SH2D1A: variants seen among roughly 807,000 people sequenced by gnomAD.
The protein encoded by SH2D1A is SH2 domain containing 1A, also known as SH2 domain-containing protein 1A.
In SH2D1A, 6 loss-of-function variants were observed where a neutral mutation model predicts 10.1. That is an observed-to-expected ratio of 0.60 (90% CI 0.33 to 1.18). The LOEUF (loss-of-function observed/expected upper bound fraction) is 1.18. Among genes scored for constraint, SH2D1A ranks in the 50% most tolerant of loss-of-function variants. The pLI, the probability that SH2D1A is intolerant of heterozygous loss-of-function variation, is 0.04. For missense variants in SH2D1A, 51 were observed against 97.6 expected, an observed-to-expected ratio of 0.52 and a Z score of 2.01; for synonymous variants, 42 against 36.9, an observed-to-expected ratio of 1.14 and a Z score of -0.51.
intron 1 of SH2D1A, among the ~76,000 whole-genome samples, chrX:124,352,570 T>C (rs1175093986): frequency 2.7e-5 from 3 of 111,913 alleles, no homozygotes; most frequent in African/African-American, 9.7e-5. Context: ...ACATAATGAC[T>C]TCCAGTTCTA....
At chrX:124,362,193 G>A in intron 1 of SH2D1A, among the ~76,000 whole-genome samples, 1 of 111,877 alleles carries the variant, frequency 8.9e-6, no homozygotes, top group Non-Finnish European at 1.9e-5. Flanking sequence ...CCTACTATAG[G>A]CCCAAAGTGC....
chrX:124,355,899 A>T (rs1236012403), intron 1 of SH2D1A, among the ~76,000 whole-genome samples: 1 of 110,055 alleles, frequency 9.1e-6, no homozygotes, highest in African/African-American at 3.3e-5. Flanking sequence ...TTTTATTTTT[A>T]TTTTTTGTTT....
chrX:124,356,551 G>A (rs1457704022), intron 1 of SH2D1A, among the ~76,000 whole-genome samples: 2 of 112,402 alleles, frequency 1.8e-5, no homozygotes, highest in African/African-American at 6.5e-5. Context: ...AGGCTCAAGC[G>A]ATTCTCCTGC....
At chrX:124,366,112 G>A (rs1449894889) in intron 2 of SH2D1A, among the ~76,000 whole-genome samples, 2 of 110,531 alleles carry the variant, frequency 1.8e-5, no homozygotes, top group Non-Finnish European at 3.8e-5. Flanking sequence ...CATATCAAAA[G>A]TAGGTAAAAT....
intron 1 of SH2D1A, among the ~76,000 whole-genome samples, chrX:124,348,738 C>T (rs993958368): frequency 3.6e-5 from 4 of 111,786 alleles, no homozygotes; most frequent in Non-Finnish European, 7.5e-5. Context: ...TCCATGAGGG[C>T]GGAGATACTG....
intron 1 of SH2D1A, 65 bp from the exon 2 acceptor site, chrX:124,365,696 C>A: frequency 1.4e-6 from 1 of 729,190 alleles, no homozygotes; most frequent in Non-Finnish European, 2.2e-6. Flanking sequence ...TAATATTAAG[C>A]TCAAATTTAA....
intron 1 of SH2D1A, among the ~76,000 whole-genome samples, chrX:124,359,945 G>A (rs1280986696): frequency 2.7e-5 from 3 of 109,810 alleles, no homozygotes; most frequent in Non-Finnish European, 3.8e-5. Context: ...CACTCTTGTC[G>A]CCCAGGCTGG....
chrX:124,366,353 T>C lies in SH2D1A; in HGVS notation c.201+529T>C, dbSNP rs1385278811. 6.3e-5 allele frequency among the ~76,000 whole-genome samples: 7 copies of C among 111,106 alleles called. No individual in the cohort carries two copies. The Admixed American group carries it at 6.7e-4, about 11-fold the overall frequency. ...GGTCTATGATCTTGGGCAGGTTACT[T>C]GACTTTTCTGTGAGCCAGTTTCTTC... On this transcript the variant is annotated intron_variant, in intron 2 of 3. Coordinates refer to ENST00000371139, the MANE Select transcript of SH2D1A (RefSeq NM_002351.5).
intron 1 of SH2D1A, among the ~76,000 whole-genome samples, chrX:124,347,135 C>CG (rs2059995506): frequency 9.0e-6 from 1 of 111,616 alleles, no homozygotes; most frequent in South Asian, 3.7e-4. Context: ...TATCGGGTGG[C>CG]GCCCTGCGAG....
At chrX:124,363,196 G>A (rs1427545743) in intron 1 of SH2D1A, among the ~76,000 whole-genome samples, 2 of 111,524 alleles carry the variant, frequency 1.8e-5, no homozygotes, top group Non-Finnish European at 1.9e-5. Flanking sequence ...GTAATGGGAA[G>A]GAATGTTTAC....
At chrX:124,354,320 G>C (rs2060021642) in intron 1 of SH2D1A, among the ~76,000 whole-genome samples, 1 of 110,945 alleles carries the variant, frequency 9.0e-6, no homozygotes, top group Non-Finnish European at 1.9e-5. Context: ...TCTCTTTCGG[G>C]CTCTCCCCAC....
chrX:124,351,778 T>G (rs1350088096), intron 1 of SH2D1A, among the ~76,000 whole-genome samples: 1 of 111,147 alleles, frequency 9.0e-6, no homozygotes, highest in African/African-American at 3.3e-5. Context: ...TCATACTTTT[T>G]TTAAACACAC....
At chrX:124,347,018 G>A (rs1329690756) in intron 1 of SH2D1A, among the ~76,000 whole-genome samples, 1 of 111,024 alleles carries the variant, frequency 9.0e-6, no homozygotes, top group Non-Finnish European at 1.9e-5. Context: ...CCTCACCAGA[G>A]CCTTTTGGGG....
At chrX:124,368,855 C>G (rs1330737501) in intron 2 of SH2D1A, among the ~76,000 whole-genome samples, 1 of 111,955 alleles carries the variant, frequency 8.9e-6, no homozygotes, top group Admixed American at 9.5e-5. Flanking sequence ...GAGACTCTAT[C>G]TTGGAACCAA....
intron 1 of SH2D1A, among the ~76,000 whole-genome samples, chrX:124,353,484 G>A (rs144524633): frequency 3.3e-3 from 350 of 105,902 alleles, no homozygotes; most frequent in African/African-American, 0.012. Context: ...AATGCAGATA[G>A]TTTTTTTTTT....
intron 1 of SH2D1A, among the ~76,000 whole-genome samples, chrX:124,355,811 GGACA>G (rs2060024804): frequency 1.8e-5 from 2 of 111,469 alleles, no homozygotes; most frequent in South Asian, 3.8e-4. Flanking sequence ...ATACACACAG[GGACA>G]GACAGTTTTG....
chrX:124,369,726 G>C (rs2060064840), intron 2 of SH2D1A, among the ~76,000 whole-genome samples: 1 of 111,823 alleles, frequency 8.9e-6, no homozygotes, highest in Non-Finnish European at 1.9e-5. Context: ...AGGGAGGATG[G>C]GTTGTTGGTT....
At position 124,364,444 on chromosome X, in the gene SH2D1A, A is replaced by T. The variant is rs1048904689; in HGVS notation, c.138-1317A>T. The T allele has an allele frequency of 2.1e-5, 6 of 279,269 alleles. No homozygotes were observed. The Admixed American group carries it at 2.5e-4, about 12-fold the overall frequency. 23.0% of individuals were successfully genotyped at this position (279,269 alleles called of 1,213,427 possible). On this transcript the variant is annotated intron_variant, in intron 1 of 3. Coordinates refer to ENST00000371139, the MANE Select transcript of SH2D1A (RefSeq NM_002351.5). Reference sequence around the variant, plus strand: ...GTGTTATAAAAGAGTCAAAAAGTTTAAAAAAATTTACAAGTTTATAAAGTA... The same window carrying T: ...GTGTTATAAAAGAGTCAAAAAGTTTTAAAAAATTTACAAGTTTATAAAGTA...
In SH2D1A at chrX:124,348,322, G is replaced by T. The variant is rs1320523944; in HGVS notation, c.137+1543G>T. Among the ~76,000 whole-genome samples the T allele has an allele frequency of 5.4e-5, 6 of 111,161 alleles. No individual in the cohort carries two copies. In the Admixed American group the frequency reaches 5.8e-4, roughly 11 times the overall value. On this transcript the variant is annotated intron_variant, in intron 1 of 3. Transcript: ENST00000371139. ...GGTGGGTGAAAGGCGCTGCTTTAGG[G>T]AAGCTGACAAAGGAGATAACATGCT...
Sources: allele counts gnomAD v4.1 joint callset (sites outside exome capture counted in the v4.1 genomes callset), GRCh38; gene constraint gnomAD v4.1.1; transcripts MANE v1.5; gene names NCBI Gene and HGNC (gene_info 2026-07-23, HGNC 2026-07-21).